The following ZNF708 variants were observed in gnomAD, a reference collection of about 807,000 sequenced individuals.
ZNF708 encodes the protein ZNF15, ZNF15L1.
A neutral mutation model predicts 47.0 loss-of-function variants in ZNF708; 44 were observed. The observed-to-expected ratio is 0.94, with a 90% CI of 0.74 to 1.20. ZNF708 has a LOEUF of 1.20. ZNF708 is among the 50% of genes most tolerant of loss of function. The pLI is 0.00. For missense variants in ZNF708, 557 were observed against 656.0 expected, an observed-to-expected ratio of 0.85 and a Z score of 1.65; for synonymous variants, 184 against 218.5, an observed-to-expected ratio of 0.84 and a Z score of 1.39.
intron 3 of ZNF708, among the ~76,000 whole-genome samples, chr19:21,303,101 A>C (rs1257487415): frequency 6.6e-6 from 1 of 152,130 alleles, no homozygotes; most frequent in East Asian, 1.9e-4. Flanking sequence ...AAATACAACA[A>C]AACTTGCTGG....
chr19:21,294,391 C>T lies in ZNF708; in HGVS notation c.575G>A (p.Gly192Glu), dbSNP rs201460589. 1.2e-6 allele frequency: 2 copies of T among 1,613,626 alleles called. No homozygotes were observed. The highest frequency in any genetic ancestry group is 1.7e-6 in the Non-Finnish European group (2 of 1,179,888). ...TTCTTCACATTTGTAGGGTTTTTCT[C>T]CAGTATGAATTATCTCATGTTGAGT... The part of the protein sequence containing the change: ...QLTQHEIIHT[G>E]EKPYKCEECG... The change falls in exon 4 of 4, where the codon GGA (glycine) becomes GAA (glutamate). Residue 192 changes from glycine (G) to glutamate (E), a missense_variant. Physicochemically the swap from Gly to Glu is moderately conservative, Grantham distance 98 (BLOSUM62 -2). Transcript: ENST00000356929.
At chr19:21,302,854 A>G (rs1972688131) in intron 3 of ZNF708, among the ~76,000 whole-genome samples, 1 of 152,126 alleles carries the variant, frequency 6.6e-6, no homozygotes, top group African/African-American at 2.4e-5. Flanking sequence ...ACAAAAATAA[A>G]AGCAGCACAA....
At chr19:21,322,758 T>C (rs566208372) in intron 1 of ZNF708, among the ~76,000 whole-genome samples, 1 of 152,210 alleles carries the variant, frequency 6.6e-6, no homozygotes, top group Non-Finnish European at 1.5e-5. Flanking sequence ...CGTATCTTTT[T>C]TCTGGCACCA....
chr19:21,307,924 T>A (rs932319211), intron 3 of ZNF708, among the ~76,000 whole-genome samples: 3 of 152,088 alleles, frequency 2.0e-5, no homozygotes, highest in Admixed American at 2.0e-4. Context: ...AATTACCAAA[T>A]ATAAACTCAA....
At chr19:21,320,522 C>A (rs1039758868) in intron 1 of ZNF708, among the ~76,000 whole-genome samples, 3 of 151,116 alleles carry the variant, frequency 2.0e-5, no homozygotes, top group African/African-American at 7.3e-5. Context: ...CCCGTCTCTA[C>A]AAAAAAATAC....
rs749052710 is a variant in ZNF708 at position 21,294,586 on chromosome 19, C to A, written c.380G>T (p.Gly127Val). The part of the protein sequence containing the change: ...EHKLHKGGHK[G>V]LNRCVTTTQS... ...GGTAGTTGTCACACACCGGTTAAGT[C>A]CCTTGTGACCTCCTTTGTGCAACTT... The change falls in exon 4 of 4, where the codon GGA becomes GTA. Residue 127 changes from glycine (G) to valine (V), a missense_variant. Physicochemically the swap from Gly to Val is moderately radical, Grantham distance 109 (BLOSUM62 -3). Coordinates refer to ENST00000356929, the MANE Select transcript of ZNF708 (RefSeq NM_021269.3). 4.0e-5 allele frequency: 65 copies of A among 1,613,996 alleles called. No homozygotes were observed. Among genetic ancestry groups the A allele is most frequent in the Non-Finnish European group, 5.0e-5 (59 of 1,180,006 alleles).
chr19:21,301,945 T>C (rs1415957928), intron 3 of ZNF708, among the ~76,000 whole-genome samples: 10 of 152,158 alleles, frequency 6.6e-5, no homozygotes. Flanking sequence ...TGTTCATCAC[T>C]ACAAGCACAG....
chr19:21,303,515 C>T (rs1304390277), intron 3 of ZNF708, among the ~76,000 whole-genome samples: 1 of 151,564 alleles, frequency 6.6e-6, no homozygotes, highest in African/African-American at 2.4e-5. Context: ...GATCACGCTA[C>T]AGCACTCCAG....
At chr19:21,322,075 G>A (rs1973159244) in intron 1 of ZNF708, among the ~76,000 whole-genome samples, 1 of 152,108 alleles carries the variant, frequency 6.6e-6, no homozygotes, top group South Asian at 2.1e-4. Flanking sequence ...GTCTGGGGGT[G>A]CGGATATGCC....
In ZNF708 at chr19:21,310,558, G is replaced by A. The variant is rs762571125; in HGVS notation, c.73C>T (p.Gln25Ter). 3.9e-6 allele frequency: 6 copies of A among 1,520,802 alleles called. No individual in the cohort carries two copies. Among genetic ancestry groups the A allele is most frequent in the Non-Finnish European group, 5.3e-6 (6 of 1,131,408 alleles). The allele number at this position is 1,520,802 out of a possible 1,614,324, so 94.2% of individuals were successfully genotyped here. A position where few individuals can be genotyped will look rare whatever the true frequency, so the allele number is the denominator to read the frequency against. ...LEEWQCLDTAQQNLYRNVMLE... is the reference protein window; with the variant it reads ...LEEWQCLDTA ...ATGACATTCCTATATAAATTCTGCT[G>A]TGCTGTGTCCAGGCACTGCCACTCC... Residue 25 changes from glutamine to a stop codon, truncating the protein, a stop_gained, in exon 2 of 4, where the codon CAG becomes TAG. Coordinates refer to ENST00000356929, the MANE Select transcript of ZNF708 (RefSeq NM_021269.3). LOFTEE classifies it high-confidence loss of function.
chr19:21,320,968 C>T (rs527293058), intron 1 of ZNF708, among the ~76,000 whole-genome samples: 5 of 151,748 alleles, frequency 3.3e-5, no homozygotes, highest in African/African-American at 4.8e-5. Context: ...GGTGAAACCC[C>T]GTCTCTACTA....
In ZNF708 at chr19:21,329,336, C is replaced by A; in HGVS notation, c.-124G>T. ...AACAGCAGTGAAGACGAGACCGGAG[C>A]TCCGGCTGCAGCAAGAGACAAAGGC... On this transcript the variant is annotated 5_prime_UTR_variant, in exon 1 of 4. Transcript: ENST00000356929. The A allele has an allele frequency of 1.4e-6, 2 of 1,468,104 alleles. No individual in the cohort carries two copies. Among genetic ancestry groups the A allele is most frequent in the Admixed American group, 1.8e-5 (1 of 56,918 alleles). The allele number at this position is 1,468,104 out of a possible 1,614,324, so 90.9% of individuals were successfully genotyped here.
rs1166609963 is a variant in ZNF708, at chr19:21,292,478, T to C, written c.*796A>G. ...AAGTTGTAGTTTTGGAAAACTTTTTTTTCAAATTTATTACATTTGCAGGGT... is the reference window on the plus strand; with the variant it reads ...AAGTTGTAGTTTTGGAAAACTTTTTCTTCAAATTTATTACATTTGCAGGGT... On this transcript the variant is annotated 3_prime_UTR_variant, in exon 4 of 4. Transcript: ENST00000356929. 15 of 152,272 alleles carry C rather than the reference T, an allele frequency of 9.9e-5. No individual in the cohort carries two copies. Among genetic ancestry groups the C allele is most frequent in the Admixed American group, 9.8e-4 (15 of 15,284 alleles). The allele number at this position is 152,272 out of a possible 1,614,324, so 9.4% of individuals were successfully genotyped here. A position where few individuals can be genotyped will look rare whatever the true frequency, so the allele number is the denominator to read the frequency against.
chr19:21,323,382 A>T (rs55790393), intron 1 of ZNF708, among the ~76,000 whole-genome samples: 23,765 of 152,136 alleles, frequency 0.16, 2,171 homozygotes, highest in Non-Finnish European at 0.21. Flanking sequence ...AACTTTACAA[A>T]CCCATTTTAT....
At chr19:21,299,783 A>C (rs1241296269) in intron 3 of ZNF708, among the ~76,000 whole-genome samples, 3 of 152,060 alleles carry the variant, frequency 2.0e-5, no homozygotes, top group East Asian at 1.9e-4. Flanking sequence ...AAAAAAAAAA[A>C]AAAAAATTGT....
chr19:21,310,714 G>T, intron 1 of ZNF708, 87 bp from the exon 2 acceptor site: 2 of 1,170,316 alleles, frequency 1.7e-6, no homozygotes, highest in Non-Finnish European at 1.1e-6. Context: ...AGAGAGTAAA[G>T]AGAACTGGTT....
chr19:21,309,800 T>C (rs1258446080), intron 2 of ZNF708, among the ~76,000 whole-genome samples: 1 of 152,210 alleles, frequency 6.6e-6, no homozygotes, highest in Non-Finnish European at 1.5e-5. Context: ...AATACTAACT[T>C]ATAACAAAAT....
chr19:21,294,787 T>G, intron 3 of ZNF708, 48 bp from the exon 4 acceptor site: 1 of 1,494,376 alleles, frequency 6.7e-7, no homozygotes, highest in Non-Finnish European at 8.9e-7. Flanking sequence ...CAACTCAGAT[T>G]AATATTTACA....
rs1258131388 is a variant in ZNF708, at chr19:21,311,774, G to C, written c.4-1147C>G. On this transcript the variant is annotated intron_variant, in intron 1 of 3. Coordinates refer to ENST00000356929, the MANE Select transcript of ZNF708 (RefSeq NM_021269.3). ...CTGCACCATGGAAATAAAGATATAA[G>C]TTTCATTTTTCCTGTCCTCAGGTGC... Among the ~76,000 whole-genome samples the C allele has an allele frequency of 2.0e-5, 3 of 152,060 alleles. No homozygotes were observed. The East Asian group carries it at 5.8e-4, about 29-fold the overall frequency.
Sources: allele counts gnomAD v4.1 joint callset (sites outside exome capture counted in the v4.1 genomes callset), GRCh38; gene constraint gnomAD v4.1.1; transcripts MANE v1.5; gene names NCBI Gene and HGNC (gene_info 2026-07-23, HGNC 2026-07-21).